The following RBFOX1 variants were observed in gnomAD, a reference collection of about 807,000 sequenced individuals.
RBFOX1 encodes RNA binding protein fox-1 homolog 1.
In RBFOX1, 8 loss-of-function variants were observed where a neutral mutation model predicts 57.7. The ratio of observed to expected loss-of-function variants is 0.14; its 90% CI spans 0.08 to 0.25. The LOEUF (loss-of-function observed/expected upper bound fraction) is 0.25, where lower values mean the gene tolerates loss of function less well. RBFOX1 is among the 10% of genes least tolerant of loss of function. RBFOX1 has a pLI of 1.00. For synonymous variants in RBFOX1, 326 were observed against 222.4 expected, an observed-to-expected ratio of 1.47 and a Z score of -4.15; for missense variants, 611 against 548.5, an observed-to-expected ratio of 1.11 and a Z score of -1.14.
At chr16:6,018,385 A>G (rs1372887889), upstream of RBFOX1, among the ~76,000 whole-genome samples, 4 of 152,218 alleles carry the variant, frequency 2.6e-5, no homozygotes, top group African/African-American at 7.2e-5. Context: ...AAAGTGCTTA[A>G]AACAGCATCT....
chr16:5,292,211 C>T (rs2151176953), intron 1 of RBFOX1, among the ~76,000 whole-genome samples: 1 of 152,326 alleles, frequency 6.6e-6, no homozygotes, highest in Admixed American at 6.5e-5. Flanking sequence ...AGTTTGGTCT[C>T]AACCCATTTC....
chr16:6,856,615 G>A, intron 3 of RBFOX1, among the ~76,000 whole-genome samples: 1 of 152,146 alleles, frequency 6.6e-6, no homozygotes, highest in Non-Finnish European at 1.5e-5. Flanking sequence ...CATTAAAGAT[G>A]AGAAGACAGT....
At chr16:7,261,793 C>A (rs1415540984) in intron 4 of RBFOX1, among the ~76,000 whole-genome samples, 1 of 152,162 alleles carries the variant, frequency 6.6e-6, no homozygotes, top group Non-Finnish European at 1.5e-5. Context: ...CACTAAGAAT[C>A]CCCTGGAGAG....
At chr16:7,612,353 A>G (rs1394697626) in intron 10 of RBFOX1, among the ~76,000 whole-genome samples, 1 of 146,242 alleles carries the variant, frequency 6.8e-6, no homozygotes, top group Non-Finnish European at 1.5e-5. Flanking sequence ...AAAAAAAGAC[A>G]AATGATTGTA....
intron 2 of RBFOX1, among the ~76,000 whole-genome samples, chr16:6,409,006 G>A (rs1190000436): frequency 1.3e-5 from 2 of 152,136 alleles, no homozygotes; most frequent in Non-Finnish European, 2.9e-5. Flanking sequence ...GTTCATCAAT[G>A]CATACTTAAA....
At chr16:6,428,922 C>T (rs562852857) in intron 2 of RBFOX1, among the ~76,000 whole-genome samples, 11 of 152,170 alleles carry the variant, frequency 7.2e-5, no homozygotes, top group Non-Finnish European at 1.5e-4. Flanking sequence ...AGTAGTAAAG[C>T]GTATTCTTAG....
At chr16:5,909,994 A>G (rs758654384) in intron 4 of RBFOX1, among the ~76,000 whole-genome samples, 8 of 152,140 alleles carry the variant, frequency 5.3e-5, no homozygotes, top group Non-Finnish European at 1.2e-4. Context: ...CGGAGGTTGC[A>G]GTGAGCCAAG....
intron 2 of RBFOX1, among the ~76,000 whole-genome samples, chr16:6,414,675 C>G (rs897712756): frequency 9.2e-5 from 14 of 152,222 alleles, no homozygotes; most frequent in Non-Finnish European, 1.8e-4. Flanking sequence ...GGATTGTAGA[C>G]TGTGTGCCAG....
At chr16:5,450,771 T>C (rs1168604616) in intron 1 of RBFOX1, among the ~76,000 whole-genome samples, 1 of 152,144 alleles carries the variant, frequency 6.6e-6, no homozygotes, top group African/African-American at 2.4e-5. Context: ...CAGGCCCCCT[T>C]GTGACTTTGG....
chr16:5,501,569 C>T (rs896490880), intron 2 of RBFOX1, among the ~76,000 whole-genome samples: 3 of 152,092 alleles, frequency 2.0e-5, no homozygotes, highest in Non-Finnish European at 2.9e-5. Flanking sequence ...TTTAACCTTG[C>T]AGTCTCGTTT....
chr16:6,574,585 A>C (rs931021286), intron 2 of RBFOX1, among the ~76,000 whole-genome samples: 5 of 149,366 alleles, frequency 3.3e-5, no homozygotes, highest in Admixed American at 6.6e-5. Flanking sequence ...CCCGCCACCA[A>C]GCCCAGCTAA....
chr16:5,978,779 T>G (rs1208147902), intron 4 of RBFOX1, among the ~76,000 whole-genome samples: 1 of 152,004 alleles, frequency 6.6e-6, no homozygotes, highest in African/African-American at 2.4e-5. Context: ...GATGTGTTTC[T>G]CATGATTAGC....
intron 4 of RBFOX1, among the ~76,000 whole-genome samples, chr16:7,102,487 T>G (rs575108035): frequency 1.3e-5 from 2 of 152,208 alleles, no homozygotes; most frequent in African/African-American, 4.8e-5. Context: ...TGAGATTTAA[T>G]AGAGACCAAA....
At chr16:7,334,822 G>T (rs112482846) in intron 4 of RBFOX1, among the ~76,000 whole-genome samples, 2,304 of 152,310 alleles carry the variant, frequency 0.015, 22 homozygotes, top group Middle Eastern at 0.034. Context: ...AACATAGCCA[G>T]TTATTTTTGG....
intron 3 of RBFOX1, among the ~76,000 whole-genome samples, chr16:5,855,331 T>G (rs530655207): frequency 3.3e-5 from 5 of 152,370 alleles, no homozygotes; most frequent in African/African-American, 1.2e-4. Context: ...CCACTTTGTT[T>G]TCTTTTGGTA....
intron 4 of RBFOX1, among the ~76,000 whole-genome samples, chr16:7,150,631 T>A (rs1283478473): frequency 6.6e-6 from 1 of 152,230 alleles, no homozygotes; most frequent in African/African-American, 2.4e-5. Context: ...CTTAATTCTT[T>A]ACGACTGCTG....
At chr16:5,598,870 A>C in intron 2 of RBFOX1, 1 of 1,463,282 alleles carries the variant, frequency 6.8e-7, no homozygotes, top group South Asian at 1.4e-5. Context: ...GGCTTCCCCA[A>C]CCTTTTTCTC....
chr16:5,750,065 T>G (rs138918716), intron 3 of RBFOX1, among the ~76,000 whole-genome samples: 2 of 152,334 alleles, frequency 1.3e-5, no homozygotes, highest in East Asian at 3.9e-4. Context: ...CCTTTCTGTT[T>G]GTTAGTTTTC....
intron 3 of RBFOX1, among the ~76,000 whole-genome samples, chr16:6,670,671 C>A (rs1275680897): frequency 6.6e-6 from 1 of 152,146 alleles, no homozygotes; most frequent in Non-Finnish European, 1.5e-5. Context: ...AAGAATACTA[C>A]CTTTTCCCAT....
Sources: allele counts gnomAD v4.1 joint callset (sites outside exome capture counted in the v4.1 genomes callset), GRCh38; gene constraint gnomAD v4.1.1; transcripts MANE v1.5; gene names NCBI Gene and HGNC (gene_info 2026-07-23, HGNC 2026-07-21).